KYNU: variants seen among roughly 807,000 people sequenced by gnomAD.
The protein encoded by KYNU is kynureninase, also known as L-kynurenine hydrolase.
KYNU carries 54 observed loss-of-function variants against 59.2 expected under a neutral mutation model. The observed-to-expected ratio is 0.91, with a 90% CI of 0.73 to 1.14. The LOEUF (loss-of-function observed/expected upper bound fraction) is 1.14. KYNU is among the 50% of genes most tolerant of loss of function. The probability of loss-of-function intolerance (pLI) is 0.00; values close to 1 mark genes in which losing one functional copy is unlikely to be tolerated. For synonymous variants in KYNU, 177 were observed against 192.0 expected, an observed-to-expected ratio of 0.92 and a Z score of 0.65; for missense variants, 567 against 554.4, an observed-to-expected ratio of 1.02 and a Z score of -0.23.
intron 8 of KYNU, among the ~76,000 whole-genome samples, chr2:142,979,806 A>G (rs1685000426): frequency 6.6e-6 from 1 of 152,080 alleles, no homozygotes; most frequent in Admixed American, 6.6e-5. Context: ...ATAAAAAATA[A>G]ATAGCTATGT....
chr2:142,933,533 G>T (rs1573807221), intron 4 of KYNU, among the ~76,000 whole-genome samples: 1 of 152,106 alleles, frequency 6.6e-6, no homozygotes, highest in East Asian at 1.9e-4. Flanking sequence ...GAGGCAGGAG[G>T]GATTGGAGGA....
At chr2:143,013,298 C>CTGTGTGTGTGTGTGTGTGTGTGTG (rs71301735) in intron 10 of KYNU, among the ~76,000 whole-genome samples, 1,537 of 149,530 alleles carry the variant, frequency 0.01, 28 homozygotes, top group African/African-American at 0.035. Flanking sequence ...GTCTCTTTCT[C>CTGTGTGTGTGTGTGTGTGTGTGTG]TGTGTGTGTG....
chr2:142,954,949 C>T, intron 5 of KYNU, 78 bp downstream of exon 5: 1 of 899,824 alleles, frequency 1.1e-6, no homozygotes. Flanking sequence ...AATTCATGAG[C>T]TTCTGGGGGT....
chr2:143,047,890 T>A lies in KYNU; in HGVS notation c.*5718T>A, dbSNP rs1216107725. The stretch of plus-strand genomic sequence containing the variant: ...TTTTTTTTTTTTTTGAGGCAGTCTC[T>A]CTCTGTCACCCAGGCTGGAGTATAG... On this transcript the variant is annotated 3_prime_UTR_variant, in exon 14 of 14. Coordinates refer to ENST00000264170, the MANE Select transcript of KYNU (RefSeq NM_003937.3). The A allele has an allele frequency of 1.6e-5, 2 of 128,528 alleles. No individual in the cohort carries two copies. Among genetic ancestry groups the A allele is most frequent in the African/African-American group, 6.0e-5 (2 of 33,514 alleles). 8.0% of individuals were successfully genotyped at this position (128,528 alleles called of 1,614,324 possible).
At chr2:142,995,941 A>G (rs181592876) in intron 10 of KYNU, among the ~76,000 whole-genome samples, 2 of 152,084 alleles carry the variant, frequency 1.3e-5, no homozygotes, top group African/African-American at 4.8e-5. Flanking sequence ...GGTGTTCTCT[A>G]TATGTGCCTG....
chr2:142,919,296 CAT>C (rs948074195), intron 3 of KYNU, among the ~76,000 whole-genome samples: 43 of 152,228 alleles, frequency 2.8e-4, no homozygotes, highest in African/African-American at 9.6e-4. Context: ...AAGTTCCTCT[CAT>C]GTGTTGACAT....
chr2:143,002,939 C>T (rs1685753207), intron 10 of KYNU, among the ~76,000 whole-genome samples: 1 of 151,920 alleles, frequency 6.6e-6, no homozygotes, highest in African/African-American at 2.4e-5. Flanking sequence ...AGTCAATGGC[C>T]CTATGGTTGT....
rs1487242170 is a variant in KYNU at position 142,988,945 on chromosome 2, G to C, written c.902+2924G>C. The C allele has an allele frequency of 7.5e-6, 11 of 1,463,568 alleles. No individual in the cohort carries two copies. The Admixed American group carries it at 1.5e-4, about 20-fold the overall frequency. The allele number at this position is 1,463,568 out of a possible 1,614,324, so 90.7% of individuals were successfully genotyped here. A position where few individuals can be genotyped will look rare whatever the true frequency, so the allele number is the denominator to read the frequency against. ...CACTTCATTGTCCCTGATAGGAAAA[G>C]AAATGTTTTGCTGAAACTTAACTTT... On this transcript the variant is annotated intron_variant, in intron 10 of 13. Transcript: ENST00000264170.
chr2:142,891,722 A>G (rs992694196), intron 2 of KYNU, among the ~76,000 whole-genome samples: 3 of 152,220 alleles, frequency 2.0e-5, no homozygotes, highest in African/African-American at 7.2e-5. Flanking sequence ...GAAATACAGG[A>G]AAGCATACTT....
intron 10 of KYNU, among the ~76,000 whole-genome samples, chr2:142,998,870 G>A (rs1453290054): frequency 1.3e-5 from 2 of 151,892 alleles, no homozygotes; most frequent in East Asian, 1.9e-4. Flanking sequence ...TTAGCTGGGT[G>A]TAGTGGTGCA....
chr2:142,964,051 G>T, intron 8 of KYNU, among the ~76,000 whole-genome samples: 1 of 149,806 alleles, frequency 6.7e-6, no homozygotes. Flanking sequence ...TTTTTTTTGT[G>T]TTTGGCTTAT....
chr2:142,878,739 A>G (rs979834583), intron 1 of KYNU, among the ~76,000 whole-genome samples: 2 of 152,224 alleles, frequency 1.3e-5, no homozygotes, highest in African/African-American at 2.4e-5. Context: ...TAGCTGTCTA[A>G]ATAAAATTGT....
At position 143,045,708 on chromosome 2, in the gene KYNU, C is replaced by T. The variant is rs1372225811; in HGVS notation, c.*3536C>T. 6.6e-6 allele frequency: 1 copy of T among 152,088 alleles called. No individual in the cohort carries two copies. Among genetic ancestry groups the T allele is most frequent in the Admixed American group, 6.6e-5 (1 of 15,244 alleles). The allele number at this position is 152,088 out of a possible 1,614,324, so 9.4% of individuals were successfully genotyped here. ...GAAGATGATGTCTCTCTATGTAACTCAGGCAGGTCTCAAACTCCTGGGCTC... is the reference window on the plus strand; with the variant it reads ...GAAGATGATGTCTCTCTATGTAACTTAGGCAGGTCTCAAACTCCTGGGCTC... On this transcript the variant is annotated 3_prime_UTR_variant, in exon 14 of 14. Coordinates refer to ENST00000264170, the MANE Select transcript of KYNU (RefSeq NM_003937.3).
chr2:142,927,378 C>A, intron 3 of KYNU, among the ~76,000 whole-genome samples: 1 of 151,650 alleles, frequency 6.6e-6, no homozygotes, highest in African/African-American at 2.4e-5. Context: ...TAACTGAGAC[C>A]AAAAAAATTA....
At position 143,043,159 on chromosome 2, in the gene KYNU, T is replaced by C. The variant is rs913573520; in HGVS notation, c.*987T>C. On this transcript the variant is annotated 3_prime_UTR_variant, in exon 14 of 14. Coordinates refer to ENST00000264170, the MANE Select transcript of KYNU (RefSeq NM_003937.3). ...GAGAACTTCCCCTAATATAAGAGCT[T>C]AGATATTATATTACTATGTTTCCAT... 5 of 151,944 alleles carry C rather than the reference T, an allele frequency of 3.3e-5. No homozygotes were observed. The East Asian group carries it at 5.8e-4, about 18-fold the overall frequency. The allele number at this position is 151,944 out of a possible 1,614,324, so 9.4% of individuals were successfully genotyped here. A position where few individuals can be genotyped will look rare whatever the true frequency, so the allele number is the denominator to read the frequency against.
chr2:142,976,333 G>T lies in KYNU; in HGVS notation c.730-8751G>T, dbSNP rs764718716. ...TCTTTGTTGTTGCTTACTTATCAAG[G>T]CTCCACATTTAACCTTTCTGGAATC... On this transcript the variant is annotated intron_variant, in intron 8 of 13. Transcript: ENST00000264170. 7.2e-5 allele frequency among the ~76,000 whole-genome samples: 11 copies of T among 152,240 alleles called. No homozygotes were observed. In the East Asian group the frequency reaches 1.5e-3, roughly 21 times the overall value.
intron 10 of KYNU, among the ~76,000 whole-genome samples, chr2:142,997,384 T>C (rs781006886): frequency 7.2e-5 from 11 of 152,170 alleles, no homozygotes; most frequent in Non-Finnish European, 1.6e-4. Context: ...ACAGACTTTG[T>C]TTATTTTTAG....
chr2:143,006,106 G>C (rs423008), intron 10 of KYNU, among the ~76,000 whole-genome samples: 1 of 152,012 alleles, frequency 6.6e-6, no homozygotes, highest in African/African-American at 2.4e-5. Flanking sequence ...CATGAGCAAC[G>C]CAGAAGACGG....
intron 2 of KYNU, among the ~76,000 whole-genome samples, chr2:142,914,181 G>A (rs1294667408): frequency 6.6e-6 from 1 of 152,180 alleles, no homozygotes. Flanking sequence ...GGATTGCAAA[G>A]GTCCATGGCA....
Sources: allele counts gnomAD v4.1 joint callset (sites outside exome capture counted in the v4.1 genomes callset), GRCh38; gene constraint gnomAD v4.1.1; transcripts MANE v1.5; gene names NCBI Gene and HGNC (gene_info 2026-07-23, HGNC 2026-07-21).